RCAN2: variants seen among roughly 807,000 people sequenced by gnomAD.
RCAN2 encodes the protein calcipressin-2.
A neutral mutation model predicts 23.6 loss-of-function variants in RCAN2; 9 were observed. That is an observed-to-expected ratio of 0.38 (90% CI 0.23 to 0.67). The LOEUF (loss-of-function observed/expected upper bound fraction) is 0.67, where lower values mean the gene tolerates loss of function less well. Among genes scored for constraint, RCAN2 ranks in the 30% least tolerant of loss-of-function variants. The pLI, the probability that RCAN2 is intolerant of heterozygous loss-of-function variation, is 0.51. For synonymous variants in RCAN2, 109 were observed against 115.7 expected (o/e 0.94, Z 0.37); for missense variants, 273 against 302.3 (o/e 0.90, Z 0.72).
intron 2 of RCAN2, among the ~76,000 whole-genome samples, chr6:46,293,014 G>T (rs908407596): frequency 6.6e-6 from 1 of 152,082 alleles, no homozygotes; most frequent in African/African-American, 2.4e-5. Context: ...TGGAATGATG[G>T]TTTCCAGCTT....
intron 4 of RCAN2, among the ~76,000 whole-genome samples, chr6:46,232,565 G>GC (rs1276659892): frequency 6.6e-6 from 1 of 152,064 alleles, no homozygotes; most frequent in Non-Finnish European, 1.5e-5. Flanking sequence ...GCTGAGGTGG[G>GC]CAGGTCACTT....
intron 2 of RCAN2, among the ~76,000 whole-genome samples, chr6:46,374,209 T>C (rs1193593313): frequency 6.6e-6 from 1 of 152,158 alleles, no homozygotes; most frequent in Non-Finnish European, 1.5e-5. Flanking sequence ...CCAGTACCTA[T>C]TATATCAAAA....
intron 2 of RCAN2, among the ~76,000 whole-genome samples, chr6:46,300,565 C>T (rs1762873954): frequency 6.6e-6 from 1 of 151,900 alleles, no homozygotes; most frequent in East Asian, 1.9e-4. Flanking sequence ...TATTTTATAC[C>T]TTGCCTCATA....
intron 1 of RCAN2, among the ~76,000 whole-genome samples, chr6:46,458,718 CAT>C (rs918585796): frequency 7.2e-5 from 11 of 152,054 alleles, no homozygotes; most frequent in Non-Finnish European, 1.2e-4. Context: ...TTCAATGAAA[CAT>C]GTGCATGTAT....
At chr6:46,272,711 T>C (rs879060916) in intron 2 of RCAN2, among the ~76,000 whole-genome samples, 1 of 152,234 alleles carries the variant, frequency 6.6e-6, no homozygotes, top group African/African-American at 2.4e-5. Context: ...TAATGTTTAA[T>C]TGGAAAAAAC....
At chr6:46,322,728 T>C (rs909867802) in intron 2 of RCAN2, among the ~76,000 whole-genome samples, 13 of 152,256 alleles carry the variant, frequency 8.5e-5, no homozygotes, top group Admixed American at 2.0e-4. Flanking sequence ...CCTTTCCATG[T>C]GCCTCCCTTT....
intron 2 of RCAN2, among the ~76,000 whole-genome samples, chr6:46,422,043 A>T (rs1766901557): frequency 6.6e-6 from 1 of 151,984 alleles, no homozygotes; most frequent in Non-Finnish European, 1.5e-5. Flanking sequence ...GGTTTGTTTG[A>T]CTCTTCCAAA....
At chr6:46,434,813 T>A (rs1047922404) in intron 2 of RCAN2, among the ~76,000 whole-genome samples, 1 of 152,158 alleles carries the variant, frequency 6.6e-6, no homozygotes, top group Non-Finnish European at 1.5e-5. Flanking sequence ...TGGGTATTCA[T>A]GATGGGGAAT....
At chr6:46,412,825 G>A (rs1766587483) in intron 2 of RCAN2, among the ~76,000 whole-genome samples, 5 of 152,204 alleles carry the variant, frequency 3.3e-5, no homozygotes. Context: ...TAGAGGGGTT[G>A]TTGGGCCTTT....
At chr6:46,400,605 G>T (rs1265928374) in intron 2 of RCAN2, among the ~76,000 whole-genome samples, 2 of 152,220 alleles carry the variant, frequency 1.3e-5, no homozygotes, top group Non-Finnish European at 2.9e-5. Context: ...AATGTGATCA[G>T]TGATTTAACT....
chr6:46,397,631 A>C (rs1239358709), intron 2 of RCAN2, among the ~76,000 whole-genome samples: 1 of 152,154 alleles, frequency 6.6e-6, no homozygotes, highest in African/African-American at 2.4e-5. Context: ...AATGTTATGC[A>C]TTGATTTAGT....
intron 2 of RCAN2, among the ~76,000 whole-genome samples, chr6:46,282,630 A>T (rs1762237596): frequency 6.6e-6 from 1 of 152,196 alleles, no homozygotes; most frequent in African/African-American, 2.4e-5. Flanking sequence ...CTGTGAAACC[A>T]AAGCCTGTTT....
chr6:46,481,619 TTTTGA>T (rs1451920741), intron 1 of RCAN2, among the ~76,000 whole-genome samples: 3 of 152,244 alleles, frequency 2.0e-5, no homozygotes, highest in Admixed American at 2.0e-4. Context: ...TTACAAAGAC[TTTTGA>T]TTTATTTATA....
chr6:46,353,997 A>G (rs1417555229), intron 2 of RCAN2, among the ~76,000 whole-genome samples: 1 of 152,210 alleles, frequency 6.6e-6, no homozygotes, highest in East Asian at 1.9e-4. Flanking sequence ...TTTCTCGGGT[A>G]TGGCAGACAT....
At chr6:46,274,782 G>A (rs1408528382) in intron 2 of RCAN2, among the ~76,000 whole-genome samples, 1 of 152,204 alleles carries the variant, frequency 6.6e-6, no homozygotes, top group African/African-American at 2.4e-5. Flanking sequence ...CATAGTTCTA[G>A]AGTGTAATGG....
At chr6:46,374,769 C>A (rs1765414193) in intron 2 of RCAN2, among the ~76,000 whole-genome samples, 1 of 151,896 alleles carries the variant, frequency 6.6e-6, no homozygotes, top group African/African-American at 2.4e-5. Flanking sequence ...TGTAAGCATA[C>A]AATTTGGAAG....
chr6:46,484,665 C>A (rs1768948465), intron 1 of RCAN2, among the ~76,000 whole-genome samples: 1 of 152,226 alleles, frequency 6.6e-6, no homozygotes, highest in African/African-American at 2.4e-5. Flanking sequence ...CAGCTGTCAG[C>A]AGTCAGGTCT....
intron 2 of RCAN2, among the ~76,000 whole-genome samples, chr6:46,274,681 C>T (rs1234030096): frequency 6.6e-6 from 1 of 152,206 alleles, no homozygotes; most frequent in African/African-American, 2.4e-5. Context: ...CCTCCAGAAT[C>T]CCTCTCCCAT....
intron 2 of RCAN2, among the ~76,000 whole-genome samples, chr6:46,275,165 C>CTT (rs1327631995): frequency 6.9e-6 from 1 of 145,724 alleles, no homozygotes; most frequent in Non-Finnish European, 1.5e-5. Context: ...CAATCATCAC[C>CTT]TTTTTTTTTT....
Sources: gnomAD v4.1 joint callset for allele counts (sites outside exome capture counted in the v4.1 genomes callset) on GRCh38, gnomAD v4.1.1 for gene constraint, MANE v1.5 for transcripts, NCBI Gene and HGNC (gene_info 2026-07-23, HGNC 2026-07-21) for gene names.